ZC3H4: variants seen among roughly 807,000 people sequenced by gnomAD.
The protein encoded by ZC3H4 is zinc finger CCCH-type containing 4.
A neutral mutation model predicts 108.3 loss-of-function variants in ZC3H4; 13 were observed. The ratio of observed to expected loss-of-function variants is 0.12; its 90% confidence interval spans 0.08 to 0.19. The LOEUF (loss-of-function observed/expected upper bound fraction) is 0.19. Ranked by LOEUF, ZC3H4 falls within the 10% of genes least tolerant of loss-of-function variation. The pLI is 1.00. For synonymous variants in ZC3H4, 917 were observed against 749.6 expected (o/e 1.22, Z -3.65); for missense variants, 1,734 against 1,838.8 (o/e 0.94, Z 1.04).
At chr19:47,112,168 CA>C in intron 2 of ZC3H4, 8 of 1,160,428 alleles carry the variant, frequency 6.9e-6, no homozygotes, top group East Asian at 4.0e-5. Flanking sequence ...GCATGGCGCC[CA>C]AAAAAGACAG....
intron 13 of ZC3H4, 151 bp from the exon 14 acceptor site, chr19:47,069,494 C>T (rs1265876512): frequency 3.0e-6 from 3 of 1,014,284 alleles, no homozygotes; most frequent in African/African-American, 1.6e-5. Context: ...CTCAGGGGAA[C>T]AGAGCGGCCC....
intron 6 of ZC3H4, among the ~76,000 whole-genome samples, chr19:47,085,996 T>G (rs1398491492): frequency 3.3e-5 from 5 of 152,102 alleles, no homozygotes; most frequent in African/African-American, 1.2e-4. Flanking sequence ...CCTGCATGAA[T>G]AGCTGGGACT....
chr19:47,112,486 G>C lies in ZC3H4; in HGVS notation c.99C>G (p.Ser33=). 3.5e-6 allele frequency: 4 copies of C among 1,158,338 alleles called. No individual in the cohort carries two copies. Among genetic ancestry groups the C allele is most frequent in the Non-Finnish European group, 3.3e-6 (3 of 912,864 alleles). The allele number at this position is 1,158,338 out of a possible 1,614,324, so 71.8% of individuals were successfully genotyped here. The part of the protein sequence containing the change: ...PPSTPSPPPC[S]PDARPATPHL... ...GCGGGGTGGCCGGGCGGGCGTCGGG[G>C]GAACACGGAGGAGGCGAAGGCGTTG... Residue 33 remains serine (S), a synonymous_variant, in exon 2 of 15, where the codon TCC becomes TCG. Transcript: ENST00000253048.
chr19:47,071,558 TA>T (rs2057326127), intron 13 of ZC3H4, among the ~76,000 whole-genome samples: 1 of 152,150 alleles, frequency 6.6e-6, no homozygotes. Flanking sequence ...CTTGCAAAAT[TA>T]AAAAGAAATA....
At position 47,090,153 on chromosome 19, in the gene ZC3H4, G is replaced by A. The variant is rs755108150; in HGVS notation, c.529C>T (p.Leu177=). ...QQYPPSHATP[L]PKKAYSKMDS... ...ATCTTGGAGTATGCCTTCTTGGGCA[G>A]GGGCGTGGCATGCGATGGGGGGTAC... Residue 177 remains leucine, a synonymous_variant, in exon 5 of 15, where the codon CTG becomes TTG. Coordinates refer to ENST00000253048, the MANE Select transcript of ZC3H4 (RefSeq NM_015168.2). 3 of 1,614,204 alleles carry A rather than the reference G, an allele frequency of 1.9e-6. No individual in the cohort carries two copies. In the South Asian group the frequency reaches 3.3e-5, roughly 18 times the overall value.
At chr19:47,082,896 C>T (rs1317112852) in intron 9 of ZC3H4, among the ~76,000 whole-genome samples, 2 of 152,168 alleles carry the variant, frequency 1.3e-5, no homozygotes, top group African/African-American at 4.8e-5. Flanking sequence ...CGGTTGAACA[C>T]AGTCTCAACG....
intron 2 of ZC3H4, chr19:47,112,104 G>C: frequency 1.9e-6 from 2 of 1,048,662 alleles, no homozygotes; most frequent in Non-Finnish European, 2.3e-6. Context: ...CCCCTCCCCA[G>C]GACAGGCGGA....
In ZC3H4 at chr19:47,066,711, T is replaced by A. The variant is rs1335003890; in HGVS notation, c.3557A>T (p.Lys1186Met). Residue 1186 changes from lysine (K) to methionine (M), a missense_variant, in exon 15 of 15, where the codon AAG becomes ATG. By Grantham distance (95) the Lys-to-Met change is moderately conservative (BLOSUM62 -1). Coordinates refer to ENST00000253048, the MANE Select transcript of ZC3H4 (RefSeq NM_015168.2). ...AGACTTGCGGACGAACGGGGGCTCC[T>A]TAGCCTTGGAGGCCGAGCTCTTGCC... ...GNGKSSASKAKEPPFVRKSAL... is the reference protein window; with the variant it reads ...GNGKSSASKAMEPPFVRKSAL... The A allele has an allele frequency of 1.2e-6, 2 of 1,608,834 alleles. No individual in the cohort carries two copies. Among genetic ancestry groups the A allele is most frequent in the Admixed American group, 1.7e-5 (1 of 59,652 alleles).
At chr19:47,101,266 C>T (rs12978086) in intron 2 of ZC3H4, among the ~76,000 whole-genome samples, 506 of 152,074 alleles carry the variant, frequency 3.3e-3, no homozygotes, top group Non-Finnish European at 5.3e-3. Context: ...GCCAGGAGGT[C>T]GAGGCTGCAG....
At chr19:47,095,638 G>A (rs1279472652) in intron 2 of ZC3H4, among the ~76,000 whole-genome samples, 1 of 152,162 alleles carries the variant, frequency 6.6e-6, no homozygotes, top group African/African-American at 2.4e-5. Flanking sequence ...AATATCTATG[G>A]GGTGGGGTAG....
At chr19:47,082,043 G>A in intron 10 of ZC3H4, 141 bp downstream of exon 10, 1 of 749,128 alleles carries the variant, frequency 1.3e-6, no homozygotes, top group Non-Finnish European at 2.3e-6. Context: ...GGACGTGAGT[G>A]TTAAATGAGA....
At chr19:47,078,441 GCCCA>G (rs1229421309) in intron 11 of ZC3H4, among the ~76,000 whole-genome samples, 1 of 149,706 alleles carries the variant, frequency 6.7e-6, no homozygotes, top group African/African-American at 2.5e-5. Context: ...CCGAGACCAC[GCCCA>G]CTGCACTCCA....
In ZC3H4 at chr19:47,072,336, G is replaced by T. The variant is rs777482593; in HGVS notation, c.1802+16C>A. 25 of 1,610,710 alleles carry T rather than the reference G, an allele frequency of 1.6e-5. No homozygotes were observed. The Middle Eastern group carries it at 7.1e-4, about 46-fold the overall frequency. ...GACAGCGCCCACTGCCTGTCACGGG[G>T]GTCCAGGGCACTCACCTCACACCCA... On this transcript the variant is annotated intron_variant, in intron 12 of 14. Coordinates refer to ENST00000253048, the MANE Select transcript of ZC3H4 (RefSeq NM_015168.2). The surrounding 1 kb of genome is among the most constrained non-coding windows in gnomAD (Gnocchi z 5.6).
intron 13 of ZC3H4, among the ~76,000 whole-genome samples, chr19:47,071,217 G>T (rs377650782): frequency 4.6e-4 from 70 of 152,294 alleles, no homozygotes; most frequent in African/African-American, 1.6e-3. Flanking sequence ...GCAACTGAGC[G>T]AGGACAGTGG....
At chr19:47,099,623 A>G (rs1334336094) in intron 2 of ZC3H4, among the ~76,000 whole-genome samples, 3 of 151,966 alleles carry the variant, frequency 2.0e-5, no homozygotes, top group African/African-American at 7.3e-5. Context: ...CCCCTTCCTC[A>G]GCTCTAATCT....
intron 11 of ZC3H4, among the ~76,000 whole-genome samples, chr19:47,073,262 A>T (rs1363211158): frequency 6.6e-6 from 1 of 150,790 alleles, no homozygotes; most frequent in Non-Finnish European, 1.5e-5. Flanking sequence ...AACAGAGGAG[A>T]CTCTGTCTCA....
At chr19:47,084,947 G>T (rs2057590107) in intron 8 of ZC3H4, 109 bp downstream of exon 8, 1 of 1,462,432 alleles carries the variant, frequency 6.8e-7, no homozygotes, top group Admixed American at 1.8e-5. Context: ...GCCCTTTGGG[G>T]GGTGGCTGAT....
At chr19:47,112,629 G>A (rs927876877) in intron 1 of ZC3H4, 40 bp from the exon 2 acceptor site, 3 of 1,216,438 alleles carry the variant, frequency 2.5e-6, no homozygotes, top group Non-Finnish European at 3.1e-6. Flanking sequence ...AAAAAGGACT[G>A]CTTGGGCGTG....
rs1282109560 is a variant in ZC3H4, at chr19:47,085,482, A to G, written c.871-68T>C. ...AACAATGAACACTGTCCCCACCTAC[A>G]CACTGCTCCTTTTTGAAGGATGGTG... On this transcript the variant is annotated intron_variant, in intron 6 of 14. Coordinates refer to ENST00000253048, the MANE Select transcript of ZC3H4 (RefSeq NM_015168.2). 4 of 1,351,930 alleles carry G rather than the reference A, an allele frequency of 3.0e-6. No homozygotes were observed. The East Asian group carries it at 9.3e-5, about 31-fold the overall frequency. 83.7% of individuals were successfully genotyped at this position (1,351,930 alleles called of 1,614,324 possible). A position where few individuals can be genotyped will look rare whatever the true frequency, so the allele number is the denominator to read the frequency against.
Sources: allele counts gnomAD v4.1 joint callset (sites outside exome capture counted in the v4.1 genomes callset), GRCh38; gene constraint gnomAD v4.1.1; non-coding constraint Gnocchi (gnomAD v3.1); transcripts MANE v1.5; gene names NCBI Gene and HGNC (gene_info 2026-07-23, HGNC 2026-07-21).